ERBIN: variants seen among roughly 807,000 people sequenced by gnomAD.
ERBIN encodes erbb2 interacting protein, also known as densin-180-like protein.
In ERBIN, 60 loss-of-function variants were observed where a neutral mutation model predicts 158.4. The observed-to-expected ratio is 0.38, with a 90% confidence interval of 0.31 to 0.47. The LOEUF is 0.47. ERBIN is among the 20% of genes least tolerant of loss of function. ERBIN has a pLI of 0.99. For synonymous variants in ERBIN, 594 were observed against 557.2 expected, an observed-to-expected ratio of 1.07 and a Z score of -0.93; for missense variants, 1,610 against 1,648.0, an observed-to-expected ratio of 0.98 and a Z score of 0.40.
chr5:66,017,496 C>T lies in ERBIN; in HGVS notation c.533+2771C>T, dbSNP rs1754894658. ...TCTTTTGAGAAATGTCTATTCAGAT[C>T]TCTGGTGCATTTTACAATAGAATTT... On this transcript the variant is annotated intron_variant, in intron 7 of 25. Transcript: ENST00000284037. Among the ~76,000 whole-genome samples the T allele has an allele frequency of 2.0e-5, 3 of 146,970 alleles. No individual in the cohort carries two copies. The South Asian group carries it at 6.5e-4, about 32-fold the overall frequency.
In ERBIN at chr5:65,939,029, T is replaced by G. The variant is rs575891277; in HGVS notation, c.-58+12223T>G. Among the ~76,000 whole-genome samples the G allele has an allele frequency of 2.0e-5, 3 of 152,360 alleles. No individual in the cohort carries two copies. The South Asian group carries it at 6.2e-4, about 32-fold the overall frequency. On this transcript the variant is annotated intron_variant, in intron 1 of 25. Transcript: ENST00000284037. The stretch of plus-strand genomic sequence containing the variant: ...TTTCTTTGAACTGCTTAGTATTTAG[T>G]GTGATGTACAGTAATAGAGCTGGCC...
rs751934052 is a variant in ERBIN, at chr5:66,054,202, A to G, written c.2884A>G (p.Thr962Ala). Reference sequence around the variant, plus strand: ...AGAGCCAAATATAATAAGAGGCCCCACAAGTGGCCCACAATCTGCACCTCA... The same window carrying G: ...AGAGCCAAATATAATAAGAGGCCCCGCAAGTGGCCCACAATCTGCACCTCA... ...PEEPNIIRGPTSGPQSAPQIY... is the reference protein window; with the variant it reads ...PEEPNIIRGPASGPQSAPQIY... Residue 962 changes from threonine (T) to alanine (A), a missense_variant, in exon 21 of 26, where the codon ACA (threonine) becomes GCA (alanine). Coordinates refer to ENST00000284037, the MANE Select transcript of ERBIN (RefSeq NM_001253697.2). The G allele has an allele frequency of 1.7e-5, 28 of 1,614,054 alleles. No homozygotes were observed. Among genetic ancestry groups the G allele is most frequent in the Admixed American group, 1.5e-4 (9 of 59,996 alleles).
chr5:65,989,333 T>C (rs745849380), intron 2 of ERBIN, among the ~76,000 whole-genome samples: 2 of 152,208 alleles, frequency 1.3e-5, no homozygotes, highest in Non-Finnish European at 2.9e-5. Context: ...CAGTTTTTAG[T>C]CTATACCACT....
In ERBIN at chr5:66,054,961, C is replaced by A; in HGVS notation, c.3633+10C>A. Reference sequence around the variant, plus strand: ...CAAAAAGTTAGAAAAGGTAATTGAACATGAGTTTTTCATTATTTTCTTTAT... The same window carrying A: ...CAAAAAGTTAGAAAAGGTAATTGAAAATGAGTTTTTCATTATTTTCTTTAT... On this transcript the variant is annotated intron_variant, in intron 21 of 25. Coordinates refer to ENST00000284037, the MANE Select transcript of ERBIN (RefSeq NM_001253697.2). The A allele has an allele frequency of 6.5e-7, 1 of 1,544,174 alleles. No homozygotes were observed.
At chr5:66,042,217 G>T (rs1050591730) in intron 15 of ERBIN, among the ~76,000 whole-genome samples, 1 of 151,966 alleles carries the variant, frequency 6.6e-6, no homozygotes, top group Admixed American at 6.6e-5. Context: ...TTGAGTAAAG[G>T]ATAGTCATTT....
intron 13 of ERBIN, 91 bp from the exon 14 acceptor site, chr5:66,028,183 C>T (rs900252169): frequency 4.7e-6 from 4 of 859,026 alleles, no homozygotes; most frequent in Admixed American, 2.8e-5. Context: ...AACTATATAG[C>T]ATTTTTCAGA....
intron 21 of ERBIN, among the ~76,000 whole-genome samples, chr5:66,060,623 T>TGTGATGTTAGG (rs1760172872): frequency 6.6e-6 from 1 of 152,238 alleles, no homozygotes; most frequent in Non-Finnish European, 1.5e-5. Context: ...TGCTTTTAAT[T>TGTGATGTTAGG]GTGATGTTAG....
intron 1 of ERBIN, among the ~76,000 whole-genome samples, chr5:65,927,964 A>G (rs940808861): frequency 6.6e-6 from 1 of 152,144 alleles, no homozygotes; most frequent in Non-Finnish European, 1.5e-5. Context: ...TTTTGAATAT[A>G]TATTGAATAA....
At chr5:65,933,572 G>A (rs989993139) in intron 1 of ERBIN, among the ~76,000 whole-genome samples, 1 of 152,144 alleles carries the variant, frequency 6.6e-6, no homozygotes, top group African/African-American at 2.4e-5. Flanking sequence ...CTCTCTGGCT[G>A]ACCGCTCAGG....
At chr5:66,066,178 G>A (rs1400035004) in intron 21 of ERBIN, among the ~76,000 whole-genome samples, 1 of 151,974 alleles carries the variant, frequency 6.6e-6, no homozygotes, top group Non-Finnish European at 1.5e-5. Context: ...GAATGTATGG[G>A]CGTTAGAAGC....
intron 2 of ERBIN, among the ~76,000 whole-genome samples, chr5:65,989,553 G>T (rs1751644905): frequency 6.6e-6 from 1 of 151,964 alleles, no homozygotes; most frequent in South Asian, 2.1e-4. Context: ...TGCAATTTCT[G>T]TTTGTCTGTC....
At chr5:65,973,066 A>T (rs1380012421) in intron 1 of ERBIN, among the ~76,000 whole-genome samples, 1 of 150,790 alleles carries the variant, frequency 6.6e-6, no homozygotes, top group Non-Finnish European at 1.5e-5. Context: ...TACACCATGG[A>T]ATACTATGCA....
intron 4 of ERBIN, among the ~76,000 whole-genome samples, chr5:66,009,692 G>A (rs1240599386): frequency 6.6e-6 from 1 of 152,114 alleles, no homozygotes; most frequent in Non-Finnish European, 1.5e-5. Flanking sequence ...TGTTAATTTG[G>A]AGGCTTGGAA....
intron 1 of ERBIN, chr5:65,984,637 C>G (rs960455634): frequency 6.6e-6 from 1 of 152,348 alleles, no homozygotes; most frequent in Non-Finnish European, 1.5e-5. Context: ...TCTGCTGACA[C>G]TTTGGCCTGA....
intron 18 of ERBIN, among the ~76,000 whole-genome samples, chr5:66,046,990 T>C (rs1758508975): frequency 6.6e-6 from 1 of 152,178 alleles, no homozygotes; most frequent in Admixed American, 6.5e-5. Flanking sequence ...TCACATATCA[T>C]ACAAATCACT....
chr5:66,065,139 A>G (rs1483528211), intron 21 of ERBIN, among the ~76,000 whole-genome samples: 6 of 152,230 alleles, frequency 3.9e-5, no homozygotes, highest in Non-Finnish European at 2.9e-5. Context: ...TGTGCAAGTA[A>G]CATGGAACAC....
intron 21 of ERBIN, among the ~76,000 whole-genome samples, chr5:66,057,144 A>G (rs1759671363): frequency 6.6e-6 from 1 of 152,222 alleles, no homozygotes. Context: ...GCATTTAGAG[A>G]GAATTTTAGT....
chr5:65,965,850 G>A (rs1748558587), intron 1 of ERBIN, among the ~76,000 whole-genome samples: 1 of 152,010 alleles, frequency 6.6e-6, no homozygotes, highest in Admixed American at 6.5e-5. Context: ...TTTCCTTCTT[G>A]GAATGTAAGC....
chr5:65,972,451 T>A (rs1208902535), intron 1 of ERBIN, among the ~76,000 whole-genome samples: 1 of 151,394 alleles, frequency 6.6e-6, no homozygotes, highest in Admixed American at 6.6e-5. Flanking sequence ...TTTAGAGAGA[T>A]GGGGAGTGCC....
Sources: gnomAD v4.1 joint callset for allele counts (sites outside exome capture counted in the v4.1 genomes callset) on GRCh38, gnomAD v4.1.1 for gene constraint, MANE v1.5 for transcripts, NCBI Gene and HGNC (gene_info 2026-07-23, HGNC 2026-07-21) for gene names.